EPHA5: variants seen among roughly 807,000 people sequenced by gnomAD.
EPHA5 encodes the protein ephrin type-A receptor 5.
Under a neutral mutation model 105.0 loss-of-function variants are expected in EPHA5, and 60 were observed. The ratio of observed to expected loss-of-function variants is 0.57; its 90% CI spans 0.46 to 0.71. The LOEUF (loss-of-function observed/expected upper bound fraction) is 0.71. EPHA5 is among the 30% of genes least tolerant of loss of function. The pLI is 0.00. For missense variants in EPHA5, 1,218 were observed against 1,274.7 expected (o/e 0.96, Z 0.68); for synonymous variants, 513 against 449.1 (o/e 1.14, Z -1.80).
At chr4:65,645,077 A>G (rs1427809946) in intron 1 of EPHA5, among the ~76,000 whole-genome samples, 1 of 152,096 alleles carries the variant, frequency 6.6e-6, no homozygotes, top group Non-Finnish European at 1.5e-5. Context: ...AACTGTTCTA[A>G]TACCCACTGA....
At chr4:65,463,597 T>C (rs540971433) in intron 5 of EPHA5, among the ~76,000 whole-genome samples, 2 of 152,252 alleles carry the variant, frequency 1.3e-5, no homozygotes, top group East Asian at 1.9e-4. Context: ...TCTATTACAG[T>C]ATCGCACCTT....
chr4:65,530,446 T>A (rs909033435), intron 3 of EPHA5, among the ~76,000 whole-genome samples: 3 of 151,964 alleles, frequency 2.0e-5, no homozygotes, highest in Non-Finnish European at 4.4e-5. Flanking sequence ...GTGTTTATGA[T>A]GTGTTTGTTG....
At chr4:65,417,369 A>G (rs1723488656) in intron 6 of EPHA5, among the ~76,000 whole-genome samples, 1 of 152,114 alleles carries the variant, frequency 6.6e-6, no homozygotes, top group Admixed American at 6.5e-5. Flanking sequence ...TGGTATAAAA[A>G]CTCATAATCC....
intron 8 of EPHA5, among the ~76,000 whole-genome samples, chr4:65,371,414 G>T (rs1718457466): frequency 6.6e-6 from 1 of 151,924 alleles, no homozygotes; most frequent in Non-Finnish European, 1.5e-5. Context: ...TTTCTCCCAT[G>T]CTTTTTCTAA....
At chr4:65,562,542 A>G (rs560233287) in intron 3 of EPHA5, among the ~76,000 whole-genome samples, 10 of 152,226 alleles carry the variant, frequency 6.6e-5, no homozygotes, top group African/African-American at 2.4e-4. Context: ...AGCAGTTCAT[A>G]TAAAAATTCA....
chr4:65,429,749 A>G (rs1367128316), intron 5 of EPHA5, among the ~76,000 whole-genome samples: 1 of 152,086 alleles, frequency 6.6e-6, no homozygotes, highest in Admixed American at 6.6e-5. Context: ...ATTAAAATTC[A>G]GGACCACCAC....
At chr4:65,482,529 A>C (rs1730476189) in intron 5 of EPHA5, among the ~76,000 whole-genome samples, 1 of 152,286 alleles carries the variant, frequency 6.6e-6, no homozygotes, top group Admixed American at 6.5e-5. Flanking sequence ...GGGGGTGGAC[A>C]CGGATCTCAT....
intron 7 of EPHA5, among the ~76,000 whole-genome samples, chr4:65,411,159 A>G (rs1438861565): frequency 6.6e-6 from 1 of 152,128 alleles, no homozygotes; most frequent in East Asian, 1.9e-4. Flanking sequence ...GTTATAAGAC[A>G]TAAACTAAAG....
At chr4:65,556,144 A>T (rs527450294) in intron 3 of EPHA5, among the ~76,000 whole-genome samples, 3 of 152,326 alleles carry the variant, frequency 2.0e-5, no homozygotes, top group Admixed American at 1.3e-4. Context: ...ATGGACACAC[A>T]TCTTTCTACT....
At chr4:65,560,220 T>C (rs1163068305) in intron 3 of EPHA5, among the ~76,000 whole-genome samples, 1 of 152,110 alleles carries the variant, frequency 6.6e-6, no homozygotes, top group Non-Finnish European at 1.5e-5. Flanking sequence ...AATAGATATA[T>C]TCACATAAGA....
chr4:65,414,402 T>C lies in EPHA5; in HGVS notation c.1569A>G (p.Thr523=). ...GTTTCAAGCCCTCTGCAGTAATAGT[T>C]GTCTCTTTAGATTTGATAATCGTGT... ...TSYTIIKSKE[T]TITAEGLKPA... Residue 523 remains threonine, a synonymous_variant, in exon 7 of 17, where the codon ACA becomes ACG. Transcript: ENST00000613740. The C allele has an allele frequency of 1.9e-6, 3 of 1,614,002 alleles. No homozygotes were observed. The highest frequency in any genetic ancestry group is 2.5e-6 in the Non-Finnish European group (3 of 1,179,882).
At position 65,420,596 on chromosome 4, in the gene EPHA5, G is replaced by T. The variant is rs112764119; in HGVS notation, c.1403-31C>A. 1,138 of 1,603,112 alleles carry T rather than the reference G, an allele frequency of 7.1e-4. 9 individuals carry two copies. In the African/African-American group the frequency reaches 0.013, roughly 19 times the overall value. ...AAATAGTTTAAATAAGGAGCAGTAT[G>T]ATTAATAAGGCCCTAAAAGTAAACC... is the stretch of plus-strand genomic sequence containing the variant. On this transcript the variant is annotated intron_variant, in intron 5 of 16. Coordinates refer to ENST00000613740, the MANE Select transcript of EPHA5 (RefSeq NM_001281766.3).
chr4:65,426,833 T>C (rs1560525170), intron 5 of EPHA5, among the ~76,000 whole-genome samples: 1 of 152,268 alleles, frequency 6.6e-6, no homozygotes, highest in East Asian at 1.9e-4. Flanking sequence ...TTCAAAGCAA[T>C]ATATTTTTTA....
intron 5 of EPHA5, among the ~76,000 whole-genome samples, chr4:65,458,234 A>G (rs1169197115): frequency 1.3e-5 from 2 of 152,122 alleles, no homozygotes; most frequent in Non-Finnish European, 1.5e-5. Flanking sequence ...ATTTAGTTTC[A>G]TACGAAGAAA....
chr4:65,615,172 A>G lies in EPHA5; in HGVS notation c.247-12868T>C, dbSNP rs75366340. On this transcript the variant is annotated intron_variant, in intron 2 of 16. Coordinates refer to ENST00000613740, the MANE Select transcript of EPHA5 (RefSeq NM_001281766.3). ...TAGATCTCTAGGAAAAATAAAATAT[A>G]TCATATTAACATATATGTAATGAAA... Among the ~76,000 whole-genome samples the G allele has an allele frequency of 8.2e-3, 1,246 of 151,948 alleles. 22 individuals carry two copies. The highest frequency in any genetic ancestry group is 0.028 in the African/African-American group (1,169 of 41,544).
At chr4:65,524,431 T>C (rs1201458980) in intron 3 of EPHA5, among the ~76,000 whole-genome samples, 2 of 151,818 alleles carry the variant, frequency 1.3e-5, no homozygotes, top group Admixed American at 1.3e-4. Context: ...AGTCTGTACA[T>C]TTACATACCA....
intron 2 of EPHA5, among the ~76,000 whole-genome samples, chr4:65,626,985 T>A (rs1402648435): frequency 1.3e-5 from 2 of 152,226 alleles, no homozygotes; most frequent in Admixed American, 1.3e-4. Flanking sequence ...GTGATATGAA[T>A]GTGGAACATG....
chr4:65,513,915 C>T (rs1204958241), intron 3 of EPHA5, among the ~76,000 whole-genome samples: 3 of 152,042 alleles, frequency 2.0e-5, no homozygotes, highest in Non-Finnish European at 4.4e-5. Flanking sequence ...TTGTACAGTC[C>T]TTTGTTTTTG....
intron 2 of EPHA5, among the ~76,000 whole-genome samples, chr4:65,637,329 A>T (rs1747217581): frequency 6.6e-6 from 1 of 151,000 alleles, no homozygotes; most frequent in African/African-American, 2.4e-5. Flanking sequence ...TCATTGTCAC[A>T]GATTGGTAAC....
Sources: gnomAD v4.1 joint callset for allele counts (sites outside exome capture counted in the v4.1 genomes callset) on GRCh38, gnomAD v4.1.1 for gene constraint, MANE v1.5 for transcripts, NCBI Gene and HGNC (gene_info 2026-07-23, HGNC 2026-07-21) for gene names.